Variants in IYD observed in about 807,000 individuals in gnomAD.
The protein encoded by IYD is iodotyrosine deiodinase 1.
Under a neutral mutation model 28.4 loss-of-function variants are expected in IYD, and 25 were observed. The observed-to-expected ratio is 0.88, with a 90% CI of 0.64 to 1.23. The LOEUF (loss-of-function observed/expected upper bound fraction) is 1.23. IYD is among the 50% of genes most tolerant of loss of function. The pLI is 0.00. For missense variants in IYD, 352 were observed against 357.9 expected (o/e 0.98, Z 0.13); for synonymous variants, 140 against 130.8 (o/e 1.07, Z -0.48).
intron 1 of IYD, among the ~76,000 whole-genome samples, chr6:150,382,482 G>T (rs1045542292): frequency 6.6e-6 from 1 of 152,168 alleles, no homozygotes; most frequent in Non-Finnish European, 1.5e-5. Flanking sequence ...TTAAAATCTC[G>T]GATTGGTATT....
chr6:150,400,823 T>C lies in IYD; in HGVS notation c.*2586T>C, dbSNP rs1434275482. ...CATGCCTGTTAAAGTCTGAGCTCTG[T>C]TGCAGATAACCAGAGACCCAACAAC... is the stretch of plus-strand genomic sequence containing the variant. On this transcript the variant is annotated 3_prime_UTR_variant, in exon 5 of 5. Transcript: ENST00000344419. 1 of 152,222 alleles carries C rather than the reference T, an allele frequency of 6.6e-6. No homozygotes were observed. Among genetic ancestry groups the C allele is most frequent in the Non-Finnish European group, 1.5e-5 (1 of 68,036 alleles). 9.4% of individuals were successfully genotyped at this position (152,222 alleles called of 1,614,324 possible).
intron 3 of IYD, 114 bp from the exon 4 acceptor site, chr6:150,393,985 T>A: frequency 9.1e-7 from 1 of 1,102,192 alleles, no homozygotes; most frequent in Non-Finnish European, 1.3e-6. Context: ...CTTTTCAATT[T>A]AAATATAAAA....
rs925533652 is a variant in IYD at position 150,399,293 on chromosome 6, T to C, written c.*1056T>C. ...CATCACAACCACTACAAATCAGCAC[T>C]TGCTTTCTTCTTCTTAAAGAGAGCT... On this transcript the variant is annotated 3_prime_UTR_variant, in exon 5 of 5. Coordinates refer to ENST00000344419, the MANE Select transcript of IYD (RefSeq NM_203395.3). 6.6e-6 allele frequency: 1 copy of C among 152,196 alleles called. No individual in the cohort carries two copies. The highest frequency in any genetic ancestry group is 2.4e-5 in the African/African-American group (1 of 41,448). 9.4% of individuals were successfully genotyped at this position (152,196 alleles called of 1,614,324 possible).
chr6:150,382,386 T>C (rs1777677332), intron 1 of IYD, among the ~76,000 whole-genome samples: 1 of 152,170 alleles, frequency 6.6e-6, no homozygotes, highest in African/African-American at 2.4e-5. Flanking sequence ...CACACACGAC[T>C]CAGTCTCTGA....
rs909112058 is a variant in IYD at position 150,402,973 on chromosome 6, G to A, written c.*4736G>A. The A allele has an allele frequency of 6.6e-6, 1 of 152,116 alleles. No individual in the cohort carries two copies. Among genetic ancestry groups the A allele is most frequent in the Non-Finnish European group, 1.5e-5 (1 of 68,014 alleles). The allele number at this position is 152,116 out of a possible 1,614,324, so 9.4% of individuals were successfully genotyped here. A position where few individuals can be genotyped will look rare whatever the true frequency, so the allele number is the denominator to read the frequency against. On this transcript the variant is annotated 3_prime_UTR_variant, in exon 5 of 5. Coordinates refer to ENST00000344419, the MANE Select transcript of IYD (RefSeq NM_203395.3). ...ACTTTATTCTTGCTCTGTCACCCAG[G>A]CTAGAATGCAGTGGTGTGATTATAG...
intron 1 of IYD, among the ~76,000 whole-genome samples, chr6:150,389,144 A>T (rs1336706545): frequency 1.3e-5 from 2 of 152,214 alleles, no homozygotes; most frequent in Non-Finnish European, 2.9e-5. Flanking sequence ...AGCTGGGAAT[A>T]CACATGTGAG....
At chr6:150,393,512 A>G (rs1778200354) in intron 3 of IYD, among the ~76,000 whole-genome samples, 1 of 152,244 alleles carries the variant, frequency 6.6e-6, no homozygotes, top group African/African-American at 2.4e-5. Context: ...GTCTCTTGCT[A>G]ATGAATGATA....
At chr6:150,378,244 A>C (rs1777520005) in intron 1 of IYD, among the ~76,000 whole-genome samples, 1 of 150,444 alleles carries the variant, frequency 6.6e-6, no homozygotes, top group African/African-American at 2.5e-5. Context: ...TTAGTTACAT[A>C]TGTATACATG....
At chr6:150,379,448 C>T (rs1288454357) in intron 1 of IYD, among the ~76,000 whole-genome samples, 1 of 152,194 alleles carries the variant, frequency 6.6e-6, no homozygotes, top group African/African-American at 2.4e-5. Flanking sequence ...TACATGCCAT[C>T]CCCTTGGGAA....
intron 1 of IYD, among the ~76,000 whole-genome samples, chr6:150,383,801 A>AC (rs1777744616): frequency 1.0e-5 from 1 of 98,126 alleles, no homozygotes; most frequent in African/African-American, 4.7e-5. Context: ...TCTAAAAAAA[A>AC]AAAAAAACAA....
intron 1 of IYD, among the ~76,000 whole-genome samples, chr6:150,389,063 G>A (rs951190385): frequency 4.1e-4 from 63 of 152,180 alleles, no homozygotes; most frequent in African/African-American, 1.5e-3. Context: ...AGAGTGCAGT[G>A]GTGTGATGAT....
chr6:150,383,793 T>TAATAAAA (rs1777742478), intron 1 of IYD, among the ~76,000 whole-genome samples: 1 of 57,246 alleles, frequency 1.7e-5, no homozygotes, highest in Non-Finnish European at 3.3e-5. Flanking sequence ...ACCAAGTCTC[T>TAATAAAA]AAAAAAAAAA....
chr6:150,394,251 T>G lies in IYD; in HGVS notation c.683T>G (p.Leu228Arg). Residue 228 changes from leucine (L) to arginine (R), a missense_variant, in exon 4 of 5, where the codon CTG becomes CGG. Transcript: ENST00000344419. ...GCTTGTGGCATCCTGCTAGCTGCCCTGCAGGTATGTTGAGACATCAAGGGT... is the reference window on the plus strand; with the variant it reads ...GCTTGTGGCATCCTGCTAGCTGCCCGGCAGGTATGTTGAGACATCAAGGGT... ...SIACGILLAALQNAGLVTVTT... is the reference protein window; with the variant it reads ...SIACGILLAARQNAGLVTVTT... The G allele has an allele frequency of 6.2e-7, 1 of 1,614,140 alleles. No homozygotes were observed. Among genetic ancestry groups the G allele is most frequent in the South Asian group, 1.1e-5 (1 of 91,084 alleles).
chr6:150,380,011 T>G (rs545134238), intron 1 of IYD, among the ~76,000 whole-genome samples: 32 of 152,342 alleles, frequency 2.1e-4, no homozygotes, highest in African/African-American at 7.5e-4. Flanking sequence ...TGAATTCATT[T>G]TCAGTGAATC....
rs1434159592 is a variant in IYD at position 150,403,333 on chromosome 6, T to C, written c.*5096T>C. The C allele has an allele frequency of 6.6e-6, 1 of 152,252 alleles. No individual in the cohort carries two copies. Among genetic ancestry groups the C allele is most frequent in the African/African-American group, 2.4e-5 (1 of 41,470 alleles). 9.4% of individuals were successfully genotyped at this position (152,252 alleles called of 1,614,324 possible). A position where few individuals can be genotyped will look rare whatever the true frequency, so the allele number is the denominator to read the frequency against. On this transcript the variant is annotated 3_prime_UTR_variant, in exon 5 of 5. Coordinates refer to ENST00000344419, the MANE Select transcript of IYD (RefSeq NM_203395.3). ...TAACATCGTGTTTTCAATTCACACATATATACAAGTAATGAGAGGTCCAGA... is the reference window on the plus strand; with the variant it reads ...TAACATCGTGTTTTCAATTCACACACATATACAAGTAATGAGAGGTCCAGA...
intron 1 of IYD, among the ~76,000 whole-genome samples, chr6:150,372,279 G>T (rs1350906803): frequency 6.6e-6 from 1 of 151,268 alleles, no homozygotes; most frequent in Non-Finnish European, 1.5e-5. Context: ...GGGGTGGTGA[G>T]GGGTCATTGT....
chr6:150,375,020 G>A (rs1777395381), intron 1 of IYD, among the ~76,000 whole-genome samples: 1 of 152,150 alleles, frequency 6.6e-6, no homozygotes, highest in African/African-American at 2.4e-5. Context: ...CCCTATTCAA[G>A]GTGTCTCTTT....
In IYD at chr6:150,398,496, G is replaced by A. The variant is rs996988393; in HGVS notation, c.*259G>A. ...ATGCCCGGGTTTTTACATTTTAAAA[G>A]TTATTCTAGACAATCACTATTGGCT... On this transcript the variant is annotated 3_prime_UTR_variant, in exon 5 of 5. Transcript: ENST00000344419. 1.9e-5 allele frequency: 9 copies of A among 468,564 alleles called. No homozygotes were observed. The highest frequency in any genetic ancestry group is 5.5e-4 in the Middle Eastern group (1 of 1,818). The allele number at this position is 468,564 out of a possible 1,614,324, so 29.0% of individuals were successfully genotyped here.
chr6:150,370,935 G>C (rs892224980), intron 1 of IYD, among the ~76,000 whole-genome samples: 3 of 152,318 alleles, frequency 2.0e-5, no homozygotes, highest in African/African-American at 7.2e-5. Flanking sequence ...GCAGAAAAGG[G>C]AGACAGCAGT....
Sources: allele counts gnomAD v4.1 joint callset (sites outside exome capture counted in the v4.1 genomes callset), GRCh38; gene constraint gnomAD v4.1.1; transcripts MANE v1.5; gene names NCBI Gene and HGNC (gene_info 2026-07-23, HGNC 2026-07-21).